Variants in MALRD1 observed in about 807,000 individuals in gnomAD.
MALRD1 encodes the protein MAM and LDL-receptor class A domain-containing protein 1.
Under a neutral mutation model 242.1 loss-of-function variants are expected in MALRD1, and 247 were observed. The observed-to-expected ratio is 1.02, with a 90% CI of 0.92 to 1.13. The LOEUF (loss-of-function observed/expected upper bound fraction) is 1.13. Among genes scored for constraint, MALRD1 ranks in the 50% most tolerant of loss-of-function variants. MALRD1 has a pLI of 0.00. For synonymous variants in MALRD1, 995 were observed against 866.6 expected (o/e 1.15, Z -2.60); for missense variants, 2,989 against 2,533.1 (o/e 1.18, Z -3.86).
intron 32 of MALRD1, among the ~76,000 whole-genome samples, chr10:19,547,798 ATATATATATATATATATATATTTTT>A (rs1403837790): frequency 1.5e-3 from 18 of 12,320 alleles, no homozygotes; most frequent in Non-Finnish European, 3.1e-3. Context: ...ATATATATAT[ATATATATATATATATATATATTTTT>A]TTTTTTTTTT....
intron 32 of MALRD1, among the ~76,000 whole-genome samples, chr10:19,558,018 A>C (rs1217773853): frequency 2.0e-5 from 3 of 151,954 alleles, no homozygotes; most frequent in African/African-American, 7.2e-5. Flanking sequence ...TGCTAATATA[A>C]ATTTTATTGT....
chr10:19,403,030 T>C (rs898623042), intron 28 of MALRD1, among the ~76,000 whole-genome samples: 1 of 152,140 alleles, frequency 6.6e-6, no homozygotes, highest in African/African-American at 2.4e-5. Context: ...TTTATAGTGC[T>C]TAAAGAAGCT....
At chr10:19,213,474 C>T (rs996509017) in intron 18 of MALRD1, among the ~76,000 whole-genome samples, 1 of 152,144 alleles carries the variant, frequency 6.6e-6, no homozygotes, top group African/African-American at 2.4e-5. Context: ...CTTCGTGATC[C>T]ACCTGCCTCG....
At chr10:19,158,395 T>A (rs563151880) in intron 12 of MALRD1, among the ~76,000 whole-genome samples, 1 of 152,192 alleles carries the variant, frequency 6.6e-6, no homozygotes, top group Non-Finnish European at 1.5e-5. Flanking sequence ...TCATAGATTG[T>A]TTTACAAATA....
At chr10:19,341,386 G>T (rs1843843203) in intron 24 of MALRD1, among the ~76,000 whole-genome samples, 1 of 150,438 alleles carries the variant, frequency 6.6e-6, no homozygotes, top group Non-Finnish European at 1.5e-5. Flanking sequence ...TCTGACTGTT[G>T]GTGGTGGGTG....
At chr10:19,578,669 G>A (rs1017143416) in intron 33 of MALRD1, among the ~76,000 whole-genome samples, 36 of 152,162 alleles carry the variant, frequency 2.4e-4, no homozygotes, top group African/African-American at 8.7e-4. Context: ...TCCAGCCTGG[G>A]GGACAGAAAA....
In MALRD1 at chr10:19,650,254, A is replaced by C. The variant is rs540044928; in HGVS notation, c.6137+34331A>C. On this transcript the variant is annotated intron_variant, in intron 36 of 39. Transcript: ENST00000454679. ...GTCTACAGTGATGAAGCAAAAAGGA[A>C]TTGTCCAATAAAAATATCACTGAAA... 5.3e-5 allele frequency among the ~76,000 whole-genome samples: 8 copies of C among 152,282 alleles called. No individual in the cohort carries two copies. In the South Asian group the frequency reaches 1.7e-3, roughly 32 times the overall value.
chr10:19,525,105 G>A (rs563872263), intron 31 of MALRD1, among the ~76,000 whole-genome samples: 1 of 151,322 alleles, frequency 6.6e-6, no homozygotes, highest in East Asian at 2.0e-4. Context: ...AGTAGAGACG[G>A]GGTTTCCCTA....
At chr10:19,652,884 C>A (rs773077634) in intron 36 of MALRD1, among the ~76,000 whole-genome samples, 21 of 152,192 alleles carry the variant, frequency 1.4e-4, no homozygotes, top group Non-Finnish European at 2.4e-4. Flanking sequence ...AAAGCTTTGG[C>A]TCCTGCCACC....
chr10:19,129,011 A>C (rs1235358693), intron 8 of MALRD1, among the ~76,000 whole-genome samples: 1 of 152,056 alleles, frequency 6.6e-6, no homozygotes, highest in Admixed American at 6.6e-5. Context: ...CGCACTCAGC[A>C]CTCCCAATAT....
At chr10:19,539,897 T>TGTGTGTGTGTGTGCGCGC (rs1365113182) in intron 32 of MALRD1, among the ~76,000 whole-genome samples, 4 of 44,430 alleles carry the variant, frequency 9.0e-5, no homozygotes. Context: ...TGTGTGTGTG[T>TGTGTGTGTGTGTGCGCGC]GCGCGCGCGC....
At chr10:19,591,592 C>T (rs578129385) in intron 33 of MALRD1, among the ~76,000 whole-genome samples, 22 of 150,780 alleles carry the variant, frequency 1.5e-4, no homozygotes, top group Admixed American at 8.0e-4. Flanking sequence ...TTCGCCTCCT[C>T]GGTTCAAGCG....
At chr10:19,578,025 C>G (rs1488826686) in intron 33 of MALRD1, among the ~76,000 whole-genome samples, 1 of 152,094 alleles carries the variant, frequency 6.6e-6, no homozygotes, top group African/African-American at 2.4e-5. Flanking sequence ...TTCTGATTCC[C>G]TGGAACACAT....
chr10:19,542,831 T>C (rs1835032898), intron 32 of MALRD1, among the ~76,000 whole-genome samples: 1 of 152,160 alleles, frequency 6.6e-6, no homozygotes. Context: ...TATAAAAGTG[T>C]CTATTTGTCT....
At chr10:19,271,606 AC>A (rs1170912685) in intron 19 of MALRD1, among the ~76,000 whole-genome samples, 3 of 152,114 alleles carry the variant, frequency 2.0e-5, no homozygotes. Context: ...TACCAAAAAC[AC>A]AAAAAACTAG....
chr10:19,531,180 TAATC>T lies in MALRD1; in HGVS notation c.5321-13_5321-10del, dbSNP rs1283454793. 1 of 1,534,062 alleles carries T rather than the reference TAATC, an allele frequency of 6.5e-7. No individual in the cohort carries two copies. Among genetic ancestry groups the T allele is most frequent in the African/African-American group, 1.4e-5 (1 of 72,408 alleles). On this transcript the variant is annotated splice_polypyrimidine_tract_variant and intron_variant, in intron 31 of 39. Coordinates refer to ENST00000454679, the MANE Select transcript of MALRD1 (RefSeq NM_001142308.3). Reference sequence around the variant, plus strand: ...ATCATTACACTGAAAAAAATTTTGTTAATCTATTTCAAGGTAGTGGTCAGCACTT... The same window carrying T: ...ATCATTACACTGAAAAAAATTTTGTTTATTTCAAGGTAGTGGTCAGCACTT...
intron 31 of MALRD1, among the ~76,000 whole-genome samples, chr10:19,526,220 G>C (rs1327103320): frequency 1.3e-5 from 2 of 152,010 alleles, no homozygotes; most frequent in Non-Finnish European, 2.9e-5. Context: ...GCTAGATAAA[G>C]AATGAGTCTA....
chr10:19,237,415 C>T (rs1657471629), intron 18 of MALRD1, among the ~76,000 whole-genome samples: 1 of 148,634 alleles, frequency 6.7e-6, no homozygotes, highest in Admixed American at 6.9e-5. Context: ...TGGCTTATTT[C>T]ACTTAACATT....
chr10:19,305,833 C>T (rs1477995250), intron 21 of MALRD1, among the ~76,000 whole-genome samples: 4 of 130,734 alleles, frequency 3.1e-5, no homozygotes, highest in Non-Finnish European at 6.3e-5. Context: ...ACTATATATA[C>T]TATATATTAT....
Sources: gnomAD v4.1 joint callset for allele counts (sites outside exome capture counted in the v4.1 genomes callset) on GRCh38, gnomAD v4.1.1 for gene constraint, MANE v1.5 for transcripts, NCBI Gene and HGNC (gene_info 2026-07-23, HGNC 2026-07-21) for gene names.